The following CSMD3 variants were observed in gnomAD, a reference collection of about 807,000 sequenced individuals.
CSMD3 encodes the protein CUB and Sushi multiple domains 3, also known as CUB and sushi domain-containing protein 3.
Under a neutral mutation model 435.2 loss-of-function variants are expected in CSMD3, and 177 were observed. That is an observed-to-expected ratio of 0.41 (90% confidence interval 0.36 to 0.46). CSMD3 has a LOEUF of 0.46. Among genes scored for constraint, CSMD3 ranks in the 20% least tolerant of loss-of-function variants. CSMD3 has a pLI of 0.34. For synonymous variants in CSMD3, 1,656 were observed against 1,520.5 expected (o/e 1.09, Z -2.07); for missense variants, 4,265 against 4,504.6 (o/e 0.95, Z 1.52).
At chr8:112,536,254 A>C (rs1380455806) in intron 27 of CSMD3, among the ~76,000 whole-genome samples, 1 of 150,586 alleles carries the variant, frequency 6.6e-6, no homozygotes, top group African/African-American at 2.5e-5. Context: ...AATGGGAGAA[A>C]ATTTTCGCAA....
chr8:113,271,000 G>A (rs1198684361), intron 3 of CSMD3, among the ~76,000 whole-genome samples: 1 of 137,250 alleles, frequency 7.3e-6, no homozygotes, highest in South Asian at 2.3e-4. Flanking sequence ...AAAAAAAACT[G>A]GTGGCATTGT....
intron 4 of CSMD3, among the ~76,000 whole-genome samples, chr8:113,148,153 C>T (rs2091722603): frequency 6.6e-6 from 1 of 151,646 alleles, no homozygotes; most frequent in African/African-American, 2.4e-5. Flanking sequence ...TCCATATCTT[C>T]CATTCCACAG....
At chr8:112,812,148 A>G (rs983873036) in intron 12 of CSMD3, among the ~76,000 whole-genome samples, 2 of 152,152 alleles carry the variant, frequency 1.3e-5, no homozygotes, top group African/African-American at 4.8e-5. Context: ...AGGGAAAGGC[A>G]GTCTCCCAAT....
intron 22 of CSMD3, among the ~76,000 whole-genome samples, chr8:112,607,424 A>T (rs538796489): frequency 2.1e-4 from 32 of 152,080 alleles, no homozygotes; most frequent in Non-Finnish European, 2.9e-4. Flanking sequence ...AATTAACACC[A>T]ATCTTTCTCA....
intron 16 of CSMD3, among the ~76,000 whole-genome samples, chr8:112,675,171 T>G (rs188517162): frequency 1.3e-5 from 2 of 152,250 alleles, no homozygotes; most frequent in East Asian, 3.9e-4. Flanking sequence ...AGTTCTCCAT[T>G]TTGTTAGTCA....
intron 13 of CSMD3, among the ~76,000 whole-genome samples, chr8:112,711,597 A>G (rs1372853587): frequency 6.6e-6 from 1 of 152,174 alleles, no homozygotes; most frequent in Non-Finnish European, 1.5e-5. Flanking sequence ...AGGCTTCATT[A>G]AAAACCACAG....
At chr8:112,947,767 A>G in intron 9 of CSMD3, 23 bp downstream of exon 9, 2 of 913,802 alleles carry the variant, frequency 2.2e-6, no homozygotes, top group Middle Eastern at 4.3e-4. Context: ...ATAAATAATG[A>G]AGTCAATATT....
At chr8:112,481,558 T>A (rs535425787) in intron 31 of CSMD3, among the ~76,000 whole-genome samples, 4 of 152,302 alleles carry the variant, frequency 2.6e-5, no homozygotes, top group African/African-American at 9.6e-5. Flanking sequence ...ATGTGGCCTG[T>A]GACTCTTTCA....
intron 32 of CSMD3, among the ~76,000 whole-genome samples, chr8:112,450,386 GT>G (rs1331455055): frequency 2.6e-5 from 4 of 152,196 alleles, no homozygotes; most frequent in Non-Finnish European, 5.9e-5. Flanking sequence ...GAAAATAGGG[GT>G]TTTAAAAATC....
rs1179238562 is a variant in CSMD3, at chr8:112,897,692, CTCTG to C, written c.1633+23931_1633+23934del. ...TCTCTCTCTCTCTCTCTCTCTCTCT[CTCTG>C]TGTGTGTGTGTGTGTGTGTGTGTGT... On this transcript the variant is annotated intron_variant, in intron 10 of 70. Transcript: ENST00000297405. 5.3e-3 allele frequency among the ~76,000 whole-genome samples: 302 copies of C among 57,014 alleles called. 1 individual carries two copies. The highest frequency in any genetic ancestry group is 0.011 in the African/African-American group (219 of 19,286). 37.4% of individuals were successfully genotyped at this position (57,014 alleles called of 152,430 possible). A position where few individuals can be genotyped will look rare whatever the true frequency, so the allele number is the denominator to read the frequency against.
intron 13 of CSMD3, among the ~76,000 whole-genome samples, chr8:112,784,121 AC>A (rs2078473803): frequency 6.6e-6 from 1 of 152,000 alleles, no homozygotes. Context: ...ATAGAATAAA[AC>A]TAGAAATAGA....
At chr8:112,267,588 C>T (rs1229206418) in intron 59 of CSMD3, among the ~76,000 whole-genome samples, 1 of 151,826 alleles carries the variant, frequency 6.6e-6, no homozygotes, top group African/African-American at 2.4e-5. Flanking sequence ...TTAAAGAGAA[C>T]ACCTATAAAG....
chr8:113,167,315 T>A (rs2092171551), intron 4 of CSMD3, among the ~76,000 whole-genome samples: 1 of 152,166 alleles, frequency 6.6e-6, no homozygotes, highest in Non-Finnish European at 1.5e-5. Context: ...GTGTTAAGCA[T>A]TAAATAAATT....
At chr8:112,892,675 A>G (rs911277693) in intron 10 of CSMD3, among the ~76,000 whole-genome samples, 5 of 151,530 alleles carry the variant, frequency 3.3e-5, no homozygotes, top group African/African-American at 1.2e-4. Context: ...AGATATGTGC[A>G]TATTTTCTGT....
Position 113,211,708 on chromosome 8 carries a change from A to T in CSMD3, c.515-37792T>A, listed in dbSNP as rs1463488689. On this transcript the variant is annotated intron_variant, in intron 3 of 70. Transcript: ENST00000297405. The stretch of plus-strand genomic sequence containing the variant: ...CGTCTCAAAAAATAAATAAATAAAT[A>T]AATAATAAAAGCATGCAAAGTTCTC... Among the ~76,000 whole-genome samples the T allele has an allele frequency of 3.9e-5, 6 of 152,244 alleles. No individual in the cohort carries two copies. The East Asian group carries it at 1.2e-3, about 29-fold the overall frequency.
chr8:112,478,853 A>G (rs1360481081), intron 31 of CSMD3, among the ~76,000 whole-genome samples: 4 of 151,914 alleles, frequency 2.6e-5, no homozygotes, highest in South Asian at 2.1e-4. Context: ...CTTTTACCCA[A>G]TCGAATGCTG....
intron 7 of CSMD3, among the ~76,000 whole-genome samples, chr8:112,972,854 G>A (rs1003772201): frequency 6.6e-6 from 1 of 151,770 alleles, no homozygotes; most frequent in Non-Finnish European, 1.5e-5. Flanking sequence ...AAATTTATAG[G>A]GCTGATGATT....
chr8:113,139,354 G>T (rs2091493107), intron 4 of CSMD3, among the ~76,000 whole-genome samples: 1 of 150,930 alleles, frequency 6.6e-6, no homozygotes, highest in Admixed American at 6.6e-5. Context: ...TGTAACACTG[G>T]TTGTAAATAT....
intron 31 of CSMD3, among the ~76,000 whole-genome samples, chr8:112,480,603 G>C (rs566213496): frequency 6.6e-6 from 1 of 152,040 alleles, no homozygotes; most frequent in Non-Finnish European, 1.5e-5. Flanking sequence ...AGATATGGTT[G>C]TTTAACCATG....
Sources: allele counts gnomAD v4.1 joint callset (sites outside exome capture counted in the v4.1 genomes callset), GRCh38; gene constraint gnomAD v4.1.1; transcripts MANE v1.5; gene names NCBI Gene and HGNC (gene_info 2026-07-23, HGNC 2026-07-21).